Variants in HIRIP3 observed in about 807,000 individuals in gnomAD.
HIRIP3 encodes the protein HIRA interacting protein 3.
A neutral mutation model predicts 50.3 loss-of-function variants in HIRIP3; 40 were observed. The observed-to-expected ratio is 0.79, with a 90% confidence interval of 0.62 to 1.03. The LOEUF (loss-of-function observed/expected upper bound fraction) is 1.03, where lower values mean the gene tolerates loss of function less well. Among genes scored for constraint, HIRIP3 ranks in the 50% least tolerant of loss-of-function variants. HIRIP3 has a pLI of 0.00. For missense variants in HIRIP3, 765 were observed against 705.4 expected, an observed-to-expected ratio of 1.08 and a Z score of -0.96; for synonymous variants, 318 against 261.6, an observed-to-expected ratio of 1.22 and a Z score of -2.08.
chr16:29,993,210 GT>G lies in HIRIP3; in HGVS notation c.1667del (p.Asn556ThrfsTer65). ...TCCCTCCTGGGGGTGGCAGAGCTCAGTTACTCTCGCCATCACTGCTGATGAT... is the reference window on the plus strand; with the variant it reads ...TCCCTCCTGGGGGTGGCAGAGCTCAGTACTCTCGCCATCACTGCTGATGAT... The part of the protein sequence containing the change: ...RGIISSDGES[N>X] On this transcript the variant is annotated frameshift_variant, in exon 7 of 7. Coordinates refer to ENST00000279392, the MANE Select transcript of HIRIP3 (RefSeq NM_003609.5). LOFTEE classifies it high-confidence loss of function. 6.3e-7 allele frequency: 1 copy of G among 1,591,856 alleles called. No individual in the cohort carries two copies. Among genetic ancestry groups the G allele is most frequent in the Non-Finnish European group, 8.6e-7 (1 of 1,168,236 alleles).
Position 29,993,969 on chromosome 16 carries a change from C to G in HIRIP3, c.1176G>C (p.Arg392Ser). The change falls in exon 4 of 7, where the codon AGG (arginine) becomes AGC (serine). Residue 392 changes from arginine (R) to serine (S), a missense_variant. Arg to Ser is a moderately radical substitution (Grantham distance 110). Transcript: ENST00000279392. ...AAGAGGAGCTTCGTGTCCTGCCTTT[C>G]CTGGAGCTCTTCTTGGAAGAGCGGT... is the stretch of plus-strand genomic sequence containing the variant. ...RKNRSSKKSS[R>S]KGRTRSSSSS... 8 of 1,563,930 alleles carry G rather than the reference C, an allele frequency of 5.1e-6. No individual in the cohort carries two copies. Among genetic ancestry groups the G allele is most frequent in the African/African-American group, 1.4e-5 (1 of 73,214 alleles).
chr16:29,994,254 C>G lies in HIRIP3; in HGVS notation c.891G>C (p.Glu297Asp). Residue 297 changes from glutamate (E) to aspartate (D), a missense_variant, in exon 4 of 7, where the codon GAG becomes GAC. Physicochemically the swap from Glu to Asp is conservative, Grantham distance 45. Coordinates refer to ENST00000279392, the MANE Select transcript of HIRIP3 (RefSeq NM_003609.5). ...GDSDSEEEQKEAASSGDDSGR... is the reference protein window; with the variant it reads ...GDSDSEEEQKDAASSGDDSGR... ...CACTGTCATCCCCACTGCTGGCTGC[C>G]TCTTTCTGCTCTTCCTCGCTGTCTG... The G allele has an allele frequency of 6.2e-7, 1 of 1,614,168 alleles. No individual in the cohort carries two copies. The highest frequency in any genetic ancestry group is 8.5e-7 in the Non-Finnish European group (1 of 1,180,020).
chr16:29,996,026 A>G (rs528614717), upstream of HIRIP3: 3 of 580,910 alleles, frequency 5.2e-6, no homozygotes, highest in East Asian at 2.9e-5. Context: ...TCAAGTGTCT[A>G]AGTACATTAG....
Position 29,993,577 on chromosome 16 carries a change from TGA to T in HIRIP3, c.1409-22_1409-21del, listed in dbSNP as rs766975064. ...GGGTACCTGGGGCAGAAGAAGCTGG[TGA>T]TTCTCTCCTCCCCAGCAGGAAGGCC... On this transcript the variant is annotated intron_variant, in intron 5 of 6. Coordinates refer to ENST00000279392, the MANE Select transcript of HIRIP3 (RefSeq NM_003609.5). 2 of 1,612,210 alleles carry T rather than the reference TGA, an allele frequency of 1.2e-6. No homozygotes were observed. Among genetic ancestry groups the T allele is most frequent in the Admixed American group, 3.3e-5 (2 of 59,938 alleles).
In HIRIP3 at chr16:29,994,481, C is replaced by G; in HGVS notation, c.664G>C (p.Glu222Gln). 1 of 1,614,156 alleles carries G rather than the reference C, an allele frequency of 6.2e-7. No individual in the cohort carries two copies. The highest frequency in any genetic ancestry group is 8.5e-7 in the Non-Finnish European group (1 of 1,180,028). The change falls in exon 4 of 7, where the codon GAA (glutamate) becomes CAA (glutamine). Residue 222 changes from glutamate to glutamine, a missense_variant. Physicochemically the swap from Glu to Gln is conservative, Grantham distance 29. Transcript: ENST00000279392. ...EGNKGTKSLK[E>Q]SEQESEEEIL... ...TCCTCTTCACTCTCCTGTTCACTTT[C>G]CTTCAGGCTTTTAGTTCCTTTATTT...
chr16:29,995,182 G>A lies in HIRIP3; in HGVS notation c.222C>T (p.Asp74=). Residue 74 remains aspartate, a synonymous_variant, in exon 3 of 7, where the codon GAC becomes GAT. Coordinates refer to ENST00000279392, the MANE Select transcript of HIRIP3 (RefSeq NM_003609.5). ...GAGGCCTCTTGCCCTTCTTGGTAAG[G>A]TCCAGTTTGTCTTCCCTGGAAGCGG... ...DEAASREDKL[D]LTKKGKRPPT... is the part of the protein sequence containing the mutation. 6.2e-7 allele frequency: 1 copy of A among 1,614,246 alleles called. No homozygotes were observed. The highest frequency in any genetic ancestry group is 8.5e-7 in the Non-Finnish European group (1 of 1,180,050).
chr16:29,995,292 G>A, intron 2 of HIRIP3, 51 bp downstream of exon 2: 1 of 1,610,380 alleles, frequency 6.2e-7, no homozygotes. Context: ...CTCCTCCTCA[G>A]CAGCAAGCCC....
Position 29,993,571 on chromosome 16 carries a change from A to T in HIRIP3, c.1409-14T>A. 1.2e-6 allele frequency: 2 copies of T among 1,612,796 alleles called. No homozygotes were observed. Among genetic ancestry groups the T allele is most frequent in the Non-Finnish European group, 1.7e-6 (2 of 1,179,196 alleles). ...GGGAAGGGGTACCTGGGGCAGAAGAAGCTGGTGATTCTCTCCTCCCCAGCA... is the reference window on the plus strand; with the variant it reads ...GGGAAGGGGTACCTGGGGCAGAAGATGCTGGTGATTCTCTCCTCCCCAGCA... On this transcript the variant is annotated splice_polypyrimidine_tract_variant and intron_variant, in intron 5 of 6. Transcript: ENST00000279392.
rs911159922 is a variant in HIRIP3, at chr16:29,992,671, G to A, written c.*536C>T. On this transcript the variant is annotated 3_prime_UTR_variant, in exon 7 of 7. Transcript: ENST00000279392. ...ACCCCTTTGAGGCTAACAGCCCATGGACAAAGTGGCTGTTTGCATAAGGGA... is the reference window on the plus strand; with the variant it reads ...ACCCCTTTGAGGCTAACAGCCCATGAACAAAGTGGCTGTTTGCATAAGGGA... 1.3e-5 allele frequency: 2 copies of A among 152,452 alleles called. No homozygotes were observed. Among genetic ancestry groups the A allele is most frequent in the African/African-American group, 2.4e-5 (1 of 41,444 alleles). 9.4% of individuals were successfully genotyped at this position (152,452 alleles called of 1,614,324 possible).
chr16:29,993,823 G>A lies in HIRIP3; in HGVS notation c.1240-15C>T, dbSNP rs757297745. 6.2e-7 allele frequency: 1 copy of A among 1,613,652 alleles called. No individual in the cohort carries two copies. The highest frequency in any genetic ancestry group is 1.1e-5 in the South Asian group (1 of 91,076). On this transcript the variant is annotated splice_polypyrimidine_tract_variant and intron_variant, in intron 4 of 6. Coordinates refer to ENST00000279392, the MANE Select transcript of HIRIP3 (RefSeq NM_003609.5). ...CCTGAGCCAGCCTAGCAAGGAAAGAGCAGCTGAAGGCCAAGCCTGCTGGGC... is the reference window on the plus strand; with the variant it reads ...CCTGAGCCAGCCTAGCAAGGAAAGAACAGCTGAAGGCCAAGCCTGCTGGGC...
At chr16:29,995,650 G>C (rs2150917019), upstream of HIRIP3, 2 of 1,603,326 alleles carry the variant, frequency 1.2e-6, no homozygotes, top group Admixed American at 1.7e-5. Context: ...TTTTCTTCTC[G>C]GCCTCCGTCA....
upstream of HIRIP3, chr16:29,996,005 C>T (rs1486816722): frequency 7.0e-6 from 4 of 572,100 alleles, no homozygotes; most frequent in Non-Finnish European, 9.4e-6. Flanking sequence ...GGGATAAATC[C>T]TTTTGTGGCT....
chr16:29,993,319 G>A lies in HIRIP3; in HGVS notation c.1559C>T (p.Pro520Leu), dbSNP rs2070009283. 6.5e-7 allele frequency: 1 copy of A among 1,540,994 alleles called. No homozygotes were observed. The highest frequency in any genetic ancestry group is 1.4e-5 in the African/African-American group (1 of 72,508). ...AWNPLGEAAP[P>L]GELYRRTLDS... The stretch of plus-strand genomic sequence containing the variant: ...CAGGGTCCGTCGGTACAGCTCCCCT[G>A]GGGGTGCTGCTTCTCCTAAAGGGTT... Residue 520 changes from proline to leucine, a missense_variant, in exon 7 of 7, where the codon CCA becomes CTA. Pro to Leu is a moderately conservative substitution (Grantham distance 98, BLOSUM62 -3). Coordinates refer to ENST00000279392, the MANE Select transcript of HIRIP3 (RefSeq NM_003609.5).
Position 29,993,744 on chromosome 16 carries a change from GC to G in HIRIP3, c.1303del (p.Ala435ProfsTer22). On this transcript the variant is annotated frameshift_variant, in exon 5 of 7. Transcript: ENST00000279392. LOFTEE classifies it high-confidence loss of function. ...AVMRLKRYIR[A>X]CGAHRNYKKL... ...CTTGTAGTTTCGATGGGCACCACAGGCCCGAATGTAGCGCTTCAGCCTCATC... is the reference window on the plus strand; with the variant it reads ...CTTGTAGTTTCGATGGGCACCACAGGCCGAATGTAGCGCTTCAGCCTCATC... The G allele has an allele frequency of 6.2e-7, 1 of 1,609,246 alleles. No individual in the cohort carries two copies. Among genetic ancestry groups the G allele is most frequent in the Non-Finnish European group, 8.5e-7 (1 of 1,179,984 alleles).
rs553403458 is a variant in HIRIP3 at position 29,994,862 on chromosome 16, A to G, written c.302-19T>C. 6.3e-7 allele frequency: 1 copy of G among 1,581,320 alleles called. No homozygotes were observed. The highest frequency in any genetic ancestry group is 1.8e-5 in the Admixed American group (1 of 56,374). On this transcript the variant is annotated intron_variant, in intron 3 of 6. Coordinates refer to ENST00000279392, the MANE Select transcript of HIRIP3 (RefSeq NM_003609.5). ...CCGGACTCTGGAATATGGAGAGGAG[A>G]GAGGGTTGAGACAGGCTCCTCCTGT...
Position 29,993,449 on chromosome 16 carries a change from A to G in HIRIP3, c.1507+10T>C, listed in dbSNP as rs2070011602. 6.2e-7 allele frequency: 1 copy of G among 1,607,950 alleles called. No individual in the cohort carries two copies. The highest frequency in any genetic ancestry group is 8.5e-7 in the Non-Finnish European group (1 of 1,175,716). On this transcript the variant is annotated intron_variant, in intron 6 of 6. Transcript: ENST00000279392. ...TATCTGCTCCTGGGCAGTGAGAGGA[A>G]ACCCCTTACCCGAGCCACTGATGAT...
chr16:29,994,539 T>C lies in HIRIP3; in HGVS notation c.606A>G (p.Glu202=). ...CCTTCTTTGCTGTCCTCTGAACGGG[T>C]TCTGCCTCGCTCTCCTCACTTTCTT... The part of the protein sequence containing the change: ...AREESEESEA[E]PVQRTAKKVE... The change falls in exon 4 of 7, where the codon GAA becomes GAG. Residue 202 remains glutamate, a synonymous_variant. Coordinates refer to ENST00000279392, the MANE Select transcript of HIRIP3 (RefSeq NM_003609.5). The C allele has an allele frequency of 6.2e-7, 1 of 1,614,130 alleles. No individual in the cohort carries two copies. The highest frequency in any genetic ancestry group is 1.1e-5 in the South Asian group (1 of 91,078).
chr16:29,995,725 C>G (rs957849852), upstream of HIRIP3: 119 of 1,319,990 alleles, frequency 9.0e-5, no homozygotes, highest in Non-Finnish European at 1.2e-4. Flanking sequence ...GACCGTTGGC[C>G]CTTGGCCGCG....
At position 29,995,133 on chromosome 16, in the gene HIRIP3, T is replaced by C; in HGVS notation, c.271A>G (p.Arg91Gly). Residue 91 changes from arginine (R) to glycine (G), a missense_variant, in exon 3 of 7, where the codon AGA becomes GGA. Arg to Gly is a moderately radical substitution (Grantham distance 125, BLOSUM62 -2). Coordinates refer to ENST00000279392, the MANE Select transcript of HIRIP3 (RefSeq NM_003609.5). ...TCTGAATTGAAGCGGAACCTTTTTC[T>C]CTCCGGGTCGCTACAAGGGGTGGGA... ...RPPTPCSDPE[R>G]KRFRFNSESE... 6.2e-7 allele frequency: 1 copy of C among 1,614,202 alleles called. No individual in the cohort carries two copies. Among genetic ancestry groups the C allele is most frequent in the Non-Finnish European group, 8.5e-7 (1 of 1,180,018 alleles).
Sources: allele counts gnomAD v4.1 joint callset, GRCh38; gene constraint gnomAD v4.1.1; transcripts MANE v1.5; gene names NCBI Gene and HGNC (gene_info 2026-07-23, HGNC 2026-07-21).